Variants in MAP2K6 observed in about 807,000 individuals in gnomAD.
MAP2K6 encodes mitogen-activated protein kinase kinase 6.
MAP2K6 carries 16 observed loss-of-function variants against 53.7 expected under a neutral mutation model. That is an observed-to-expected ratio of 0.30 (90% CI 0.20 to 0.45). MAP2K6 has a LOEUF of 0.45. Ranked by LOEUF, MAP2K6 falls within the 20% of genes least tolerant of loss-of-function variation. The pLI, the probability that MAP2K6 is intolerant of heterozygous loss-of-function variation, is 1.00. For missense variants in MAP2K6, 204 were observed against 411.9 expected, an observed-to-expected ratio of 0.50 and a Z score of 4.37; for synonymous variants, 132 against 143.1, an observed-to-expected ratio of 0.92 and a Z score of 0.55.
intron 1 of MAP2K6, among the ~76,000 whole-genome samples, chr17:69,428,662 A>G (rs983020234): frequency 1.3e-5 from 2 of 152,174 alleles, no homozygotes; most frequent in African/African-American, 4.8e-5. Context: ...GTTCTGGTAT[A>G]AGATACGAGT....
chr17:69,514,987 T>C lies in MAP2K6; in HGVS notation c.84-1868T>C, dbSNP rs551399340. 1.6e-4 allele frequency among the ~76,000 whole-genome samples: 25 copies of C among 152,310 alleles called. No homozygotes were observed. In the South Asian group the frequency reaches 3.9e-3, roughly 24 times the overall value. Reference sequence around the variant, plus strand: ...TTCTTTTCTCTCTCACTTTCATCTTTCCATTTTCCTTTGCCTTTTTCTGGC... The same window carrying C: ...TTCTTTTCTCTCTCACTTTCATCTTCCCATTTTCCTTTGCCTTTTTCTGGC... On this transcript the variant is annotated intron_variant, in intron 2 of 11. Transcript: ENST00000590474.
intron 1 of MAP2K6, among the ~76,000 whole-genome samples, chr17:69,487,216 C>G (rs1428361855): frequency 6.6e-6 from 1 of 152,124 alleles, no homozygotes; most frequent in African/African-American, 2.4e-5. Flanking sequence ...TGGAAACAGA[C>G]TTGTGATGAA....
At chr17:69,527,269 T>G (rs1267115480) in intron 10 of MAP2K6, among the ~76,000 whole-genome samples, 1 of 152,104 alleles carries the variant, frequency 6.6e-6, no homozygotes, top group Non-Finnish European at 1.5e-5. Flanking sequence ...AGTTTGAGAG[T>G]GTTTCTTAGG....
rs983563705 is a variant in MAP2K6, at chr17:69,533,321, T to TA, written c.882-2786dup. 1.6e-4 allele frequency among the ~76,000 whole-genome samples: 24 copies of TA among 152,068 alleles called. 2 individuals carry two copies. The highest frequency in any genetic ancestry group is 5.9e-5 in the Non-Finnish European group (4 of 67,990). On this transcript the variant is annotated intron_variant, in intron 10 of 11. Coordinates refer to ENST00000590474, the MANE Select transcript of MAP2K6 (RefSeq NM_002758.4). ...CAGTATTTTAAAAAAATACAGCATT[T>TA]AAAAAAAATACAGTATTTTTAAAAA...
chr17:69,466,636 C>A (rs1907820927), intron 1 of MAP2K6, among the ~76,000 whole-genome samples: 2 of 152,216 alleles, frequency 1.3e-5, no homozygotes, highest in African/African-American at 4.8e-5. Context: ...CTTAGCAATC[C>A]CTGTGAATGC....
chr17:69,506,196 A>G (rs1396927046), intron 2 of MAP2K6, among the ~76,000 whole-genome samples: 3 of 152,230 alleles, frequency 2.0e-5, no homozygotes, highest in South Asian at 2.1e-4. Flanking sequence ...AGCCACTACT[A>G]TAAAACTTGG....
At chr17:69,538,116 G>A (rs1271791494) in intron 11 of MAP2K6, among the ~76,000 whole-genome samples, 2 of 151,882 alleles carry the variant, frequency 1.3e-5, no homozygotes, top group Non-Finnish European at 2.9e-5. Flanking sequence ...ACAATCCCCC[G>A]GCCTGGGCCC....
chr17:69,462,950 CTTTTT>C (rs10579616), intron 1 of MAP2K6, among the ~76,000 whole-genome samples: 119 of 109,728 alleles, frequency 1.1e-3, no homozygotes, highest in African/African-American at 1.5e-3. Context: ...AATGACTTGT[CTTTTT>C]TTTTTTTTTT....
intron 10 of MAP2K6, among the ~76,000 whole-genome samples, chr17:69,533,073 C>T (rs578133661): frequency 6.6e-6 from 1 of 152,242 alleles, no homozygotes; most frequent in Non-Finnish European, 1.5e-5. Context: ...GGATTACAGG[C>T]TCCTGCCACC....
chr17:69,530,220 T>A (rs1911009549), intron 10 of MAP2K6, among the ~76,000 whole-genome samples: 1 of 152,192 alleles, frequency 6.6e-6, no homozygotes, highest in Non-Finnish European at 1.5e-5. Flanking sequence ...AAGGCCAAGG[T>A]GGGAGGATCG....
At chr17:69,487,374 G>A (rs544230924) in intron 1 of MAP2K6, among the ~76,000 whole-genome samples, 3 of 152,308 alleles carry the variant, frequency 2.0e-5, no homozygotes, top group African/African-American at 2.4e-5. Flanking sequence ...TAAGCAATTC[G>A]TGTGAAATGC....
rs909582003 is a variant in MAP2K6, at chr17:69,543,504, C to T, written c.*1751C>T. On this transcript the variant is annotated 3_prime_UTR_variant, in exon 12 of 12. Transcript: ENST00000590474. ...TGAGCTTCCTCTGCTCTGAAGCTACCTCTGTCCTCATTTTATTCTAGCCAG... is the reference window on the plus strand; with the variant it reads ...TGAGCTTCCTCTGCTCTGAAGCTACTTCTGTCCTCATTTTATTCTAGCCAG... 3 of 152,162 alleles carry T rather than the reference C, an allele frequency of 2.0e-5. No individual in the cohort carries two copies. Among genetic ancestry groups the T allele is most frequent in the Non-Finnish European group, 2.9e-5 (2 of 68,028 alleles). 9.4% of individuals were successfully genotyped at this position (152,162 alleles called of 1,614,324 possible).
At chr17:69,533,131 A>T (rs930020284) in intron 10 of MAP2K6, among the ~76,000 whole-genome samples, 2 of 151,906 alleles carry the variant, frequency 1.3e-5, no homozygotes, top group Non-Finnish European at 2.9e-5. Context: ...GTTTCACCGT[A>T]TTGGCCAGGC....
intron 1 of MAP2K6, chr17:69,435,483 G>A (rs1213581495): frequency 6.7e-6 from 1 of 149,510 alleles, no homozygotes; most frequent in African/African-American, 2.5e-5. Flanking sequence ...GTTTTGAGCC[G>A]AGATCGTGCC....
intron 1 of MAP2K6, among the ~76,000 whole-genome samples, chr17:69,463,630 A>G (rs1907701609): frequency 6.6e-6 from 1 of 151,350 alleles, no homozygotes; most frequent in African/African-American, 2.4e-5. Context: ...ATATATACAC[A>G]CACACATATA....
chr17:69,512,424 C>T (rs1359066695), intron 2 of MAP2K6, among the ~76,000 whole-genome samples: 5 of 146,400 alleles, frequency 3.4e-5, no homozygotes, highest in African/African-American at 5.1e-5. Flanking sequence ...ACCACAACCT[C>T]CGCCTCTTGG....
Position 69,548,928 on chromosome 17 carries a change from G to A in MAP2K6, c.*7175G>A, listed in dbSNP as rs1339516606. ...AAAGCCTCTTTGCTATAGAGGTGATGAAGGCACTTGCTAGCCTAAGCAGAA... is the reference window on the plus strand; with the variant it reads ...AAAGCCTCTTTGCTATAGAGGTGATAAAGGCACTTGCTAGCCTAAGCAGAA... On this transcript the variant is annotated 3_prime_UTR_variant, in exon 12 of 12. Transcript: ENST00000590474. 6.6e-6 allele frequency: 1 copy of A among 152,180 alleles called. No homozygotes were observed. The highest frequency in any genetic ancestry group is 1.5e-5 in the Non-Finnish European group (1 of 68,030). 9.4% of individuals were successfully genotyped at this position (152,180 alleles called of 1,614,324 possible).
Position 69,541,660 on chromosome 17 carries a change from T to C in MAP2K6, c.928-16T>C. ...AGTAAGACATTAATACCATGTTTTT[T>C]CTTTTTCTTTTCCAGCAACATCCAT... On this transcript the variant is annotated splice_polypyrimidine_tract_variant and intron_variant, in intron 11 of 11. Transcript: ENST00000590474. 6.3e-7 allele frequency: 1 copy of C among 1,597,328 alleles called. No homozygotes were observed. Among genetic ancestry groups the C allele is most frequent in the South Asian group, 1.1e-5 (1 of 90,498 alleles).
chr17:69,543,114 TG>T lies in MAP2K6; in HGVS notation c.*1362del, dbSNP rs1396391574. 6.6e-6 allele frequency: 1 copy of T among 152,190 alleles called. No homozygotes were observed. The highest frequency in any genetic ancestry group is 2.4e-5 in the African/African-American group (1 of 41,434). 9.4% of individuals were successfully genotyped at this position (152,190 alleles called of 1,614,324 possible). A position where few individuals can be genotyped will look rare whatever the true frequency, so the allele number is the denominator to read the frequency against. On this transcript the variant is annotated 3_prime_UTR_variant, in exon 12 of 12. Transcript: ENST00000590474. Reference sequence around the variant, plus strand: ...AAATATACCCACAGGTTCTATGATTTGTAGCTCTAGGTTTCTTGATGATCAA... The same window carrying T: ...AAATATACCCACAGGTTCTATGATTTTAGCTCTAGGTTTCTTGATGATCAA...
Sources: allele counts gnomAD v4.1 joint callset (sites outside exome capture counted in the v4.1 genomes callset), GRCh38; gene constraint gnomAD v4.1.1; transcripts MANE v1.5; gene names NCBI Gene and HGNC (gene_info 2026-07-23, HGNC 2026-07-21).